NRG3: variants seen among roughly 807,000 people sequenced by gnomAD.
NRG3 encodes the protein neuregulin 3.
A neutral mutation model predicts 66.9 loss-of-function variants in NRG3; 31 were observed. That is an observed-to-expected ratio of 0.46 (90% CI 0.35 to 0.63). The LOEUF (loss-of-function observed/expected upper bound fraction) is 0.63, where lower values mean the gene tolerates loss of function less well. NRG3 is among the 20% of genes least tolerant of loss of function. The pLI is 0.00. For missense variants in NRG3, 910 were observed against 878.9 expected (o/e 1.04, Z -0.45); for synonymous variants, 393 against 359.4 (o/e 1.09, Z -1.06).
chr10:81,941,943 A>T (rs1225211202), intron 1 of NRG3, among the ~76,000 whole-genome samples: 1 of 152,134 alleles, frequency 6.6e-6, no homozygotes, highest in African/African-American at 2.4e-5. Flanking sequence ...ATTGGACTAA[A>T]TCATGCTGCT....
intron 1 of NRG3, among the ~76,000 whole-genome samples, chr10:82,135,090 C>T (rs1564596829): frequency 6.7e-6 from 1 of 149,614 alleles, no homozygotes; most frequent in African/African-American, 2.5e-5. Flanking sequence ...CACACAACTG[C>T]ACTCCAACCA....
At chr10:82,223,640 C>CAA (rs541967433) in intron 1 of NRG3, among the ~76,000 whole-genome samples, 133 of 94,452 alleles carry the variant, frequency 1.4e-3, no homozygotes, top group South Asian at 9.0e-3. Flanking sequence ...GCAACCACCC[C>CAA]AAACACACAC....
At chr10:82,204,060 A>G (rs1308875238) in intron 1 of NRG3, among the ~76,000 whole-genome samples, 1 of 152,186 alleles carries the variant, frequency 6.6e-6, no homozygotes, top group Non-Finnish European at 1.5e-5. Flanking sequence ...TCTTTAAGGT[A>G]TCATTTTGTA....
chr10:82,468,810 C>CACGGGG (rs1395772028), intron 2 of NRG3, among the ~76,000 whole-genome samples: 2 of 150,654 alleles, frequency 1.3e-5, no homozygotes, highest in African/African-American at 4.9e-5. Context: ...TTTTGGTGGT[C>CACGGGG]ATGGGGAAGG....
chr10:82,062,835 C>T (rs1398571561), intron 1 of NRG3, among the ~76,000 whole-genome samples: 2 of 152,074 alleles, frequency 1.3e-5, no homozygotes, highest in African/African-American at 4.8e-5. Context: ...AGGAAAATGA[C>T]TGGTCTTTTT....
intron 1 of NRG3, among the ~76,000 whole-genome samples, chr10:82,245,440 G>A (rs1230083699): frequency 6.6e-6 from 1 of 152,148 alleles, no homozygotes; most frequent in Non-Finnish European, 1.5e-5. Flanking sequence ...ACAGGTCCAT[G>A]GCCCAAGGGT....
chr10:82,736,841 T>C (rs1273547609), intron 2 of NRG3, among the ~76,000 whole-genome samples: 1 of 152,126 alleles, frequency 6.6e-6, no homozygotes, highest in Non-Finnish European at 1.5e-5. Flanking sequence ...ATACAAAGAG[T>C]AAAGTGTACT....
At chr10:82,626,382 G>A (rs1337733566) in intron 2 of NRG3, among the ~76,000 whole-genome samples, 1 of 152,092 alleles carries the variant, frequency 6.6e-6, no homozygotes, top group African/African-American at 2.4e-5. Context: ...TACACCCTGG[G>A]GAAAGGTGAG....
At chr10:82,445,664 G>C (rs1464118433) in intron 2 of NRG3, among the ~76,000 whole-genome samples, 1 of 152,126 alleles carries the variant, frequency 6.6e-6, no homozygotes, top group Non-Finnish European at 1.5e-5. Context: ...CAAACAGCAA[G>C]ACTTACTGAT....
intron 1 of NRG3, among the ~76,000 whole-genome samples, chr10:82,186,049 A>G (rs74144197): frequency 0.029 from 4,446 of 152,246 alleles, 124 homozygotes; most frequent in African/African-American, 0.066. Context: ...TTATCATTTC[A>G]TGTCTAAGTG....
intron 2 of NRG3, among the ~76,000 whole-genome samples, chr10:82,385,315 G>GT (rs1413883288): frequency 6.6e-6 from 1 of 151,936 alleles, no homozygotes; most frequent in East Asian, 1.9e-4. Flanking sequence ...AAGCTCTTTA[G>GT]TTTTTTCATT....
At chr10:82,740,129 A>T (rs2058350314) in intron 3 of NRG3, among the ~76,000 whole-genome samples, 1 of 131,132 alleles carries the variant, frequency 7.6e-6, no homozygotes. Context: ...CTTTAATATA[A>T]TACTTCTTCC....
chr10:82,579,675 A>G (rs900001273), intron 2 of NRG3, among the ~76,000 whole-genome samples: 24 of 151,956 alleles, frequency 1.6e-4, no homozygotes, highest in Middle Eastern at 3.4e-3. Context: ...TCTTGCTTCA[A>G]CTCCATGTTG....
At chr10:82,360,876 A>G (rs2084091177) in intron 2 of NRG3, among the ~76,000 whole-genome samples, 1 of 152,072 alleles carries the variant, frequency 6.6e-6, no homozygotes. Context: ...TGACTTATAG[A>G]TGGTCAAGGA....
intron 1 of NRG3, among the ~76,000 whole-genome samples, chr10:82,047,291 A>G (rs1439531665): frequency 6.6e-6 from 1 of 152,058 alleles, no homozygotes; most frequent in African/African-American, 2.4e-5. Flanking sequence ...TCCAAGACAC[A>G]TGATTGTCAG....
chr10:82,253,950 T>C (rs1188259839), intron 1 of NRG3, among the ~76,000 whole-genome samples: 1 of 152,204 alleles, frequency 6.6e-6, no homozygotes, highest in Non-Finnish European at 1.5e-5. Context: ...TATATACTTG[T>C]CTGTCTCTGA....
chr10:82,540,870 A>G (rs541479012), intron 2 of NRG3, among the ~76,000 whole-genome samples: 3 of 152,304 alleles, frequency 2.0e-5, no homozygotes, highest in Admixed American at 6.5e-5. Flanking sequence ...AACCCCCAGT[A>G]CCTCAGGATG....
chr10:82,782,995 A>C (rs975266638), intron 3 of NRG3, among the ~76,000 whole-genome samples: 2 of 152,218 alleles, frequency 1.3e-5, no homozygotes, highest in Non-Finnish European at 2.9e-5. Context: ...CAGCACATCA[A>C]AAAACTTACC....
intron 1 of NRG3, among the ~76,000 whole-genome samples, chr10:81,892,723 T>TAGAA (rs1360945806): frequency 9.9e-5 from 15 of 152,022 alleles, no homozygotes; most frequent in African/African-American, 3.1e-4. Flanking sequence ...TACACAAAAA[T>TAGAA]AGAAAGAACG....
Sources: gnomAD v4.1 joint callset for allele counts (sites outside exome capture counted in the v4.1 genomes callset) on GRCh38, gnomAD v4.1.1 for gene constraint, MANE v1.5 for transcripts, NCBI Gene and HGNC (gene_info 2026-07-23, HGNC 2026-07-21) for gene names.